PCDHGB5: variants seen among roughly 807,000 people sequenced by gnomAD.
PCDHGB5 encodes protocadherin gamma-B5.
PCDHGB5 carries 48 observed loss-of-function variants against 62.9 expected under a neutral mutation model. That is an observed-to-expected ratio of 0.76 (90% CI 0.61 to 0.97). The LOEUF is 0.97. Ranked by LOEUF, PCDHGB5 falls within the 50% of genes least tolerant of loss-of-function variation. The pLI, the probability that PCDHGB5 is intolerant of heterozygous loss-of-function variation, is 0.00. For missense variants in PCDHGB5, 1,118 were observed against 1,198.6 expected (o/e 0.93, Z 0.99); for synonymous variants, 474 against 511.2 (o/e 0.93, Z 0.98).
At chr5:141,404,476 C>G (rs1453332441) in intron 1 of PCDHGB5, 3 of 1,613,362 alleles carry the variant, frequency 1.9e-6, no homozygotes, top group Non-Finnish European at 2.5e-6. Context: ...TCTCTATTAA[C>G]TCAGACACTG....
At chr5:141,414,897 C>G in intron 1 of PCDHGB5, 1 of 1,614,230 alleles carries the variant, frequency 6.2e-7, no homozygotes, top group Non-Finnish European at 8.5e-7. Flanking sequence ...TCCCCACAGA[C>G]GGTTCCACAG....
chr5:141,401,083 C>T (rs2094110284), intron 1 of PCDHGB5, among the ~76,000 whole-genome samples: 1 of 152,176 alleles, frequency 6.6e-6, no homozygotes, highest in Admixed American at 6.5e-5. Context: ...GTGGCTCATG[C>T]CTGTAATCCC....
At chr5:141,407,980 C>G in intron 1 of PCDHGB5, 1 of 760,358 alleles carries the variant, frequency 1.3e-6, no homozygotes, top group Non-Finnish European at 2.0e-6. Flanking sequence ...CGCCGGGGAT[C>G]CGTCAGCCTC....
intron 1 of PCDHGB5, chr5:141,421,617 C>A (rs781622911): frequency 6.2e-7 from 1 of 1,613,768 alleles, no homozygotes; most frequent in South Asian, 1.1e-5. Flanking sequence ...TTAATGATAA[C>A]GCCCCCAGCT....
chr5:141,439,212 T>G (rs1391791892), intron 1 of PCDHGB5, among the ~76,000 whole-genome samples: 1 of 150,642 alleles, frequency 6.6e-6, no homozygotes, highest in Non-Finnish European at 1.5e-5. Context: ...AAAATCCATA[T>G]GTGAAAATTC....
At chr5:141,404,947 T>G (rs561446437) in intron 1 of PCDHGB5, 9 of 1,613,826 alleles carry the variant, frequency 5.6e-6, no homozygotes, top group Non-Finnish European at 7.6e-6. Flanking sequence ...TAGCCATAGC[T>G]GACAGCATCC....
In PCDHGB5 at chr5:141,421,081, A is replaced by C. The variant is rs775366249; in HGVS notation, c.2397+20557A>C. 61 of 637,820 alleles carry C rather than the reference A, an allele frequency of 9.6e-5. 1 individual carries two copies. The Middle Eastern group carries it at 2.9e-3, about 31-fold the overall frequency. The allele number at this position is 637,820 out of a possible 1,614,324, so 39.5% of individuals were successfully genotyped here. ...ACAAAGCGGAATGAGATGGATACTCACAGATCCTGACACTGGAGACTTAGA... is the reference window on the plus strand; with the variant it reads ...ACAAAGCGGAATGAGATGGATACTCCCAGATCCTGACACTGGAGACTTAGA... On this transcript the variant is annotated intron_variant, in intron 1 of 3. Coordinates refer to ENST00000617380, the MANE Select transcript of PCDHGB5 (RefSeq NM_018925.3).
chr5:141,418,785 T>C, intron 1 of PCDHGB5: 1 of 1,613,862 alleles, frequency 6.2e-7, no homozygotes, highest in African/African-American at 1.3e-5. Flanking sequence ...CCTTTGGATT[T>C]TGAAGAAGTA....
rs1049477252 is a variant in PCDHGB5 at position 141,399,427 on chromosome 5, G to A, written c.1300G>A (p.Val434Ile). 1.2e-6 allele frequency: 2 copies of A among 1,613,842 alleles called. No homozygotes were observed. Among genetic ancestry groups the A allele is most frequent in the African/African-American group, 2.7e-5 (2 of 74,928 alleles). Residue 434 changes from valine (V) to isoleucine (I), a missense_variant, in exon 1 of 4, where the codon GTC (valine) becomes ATC (isoleucine). By Grantham distance (29) the Val-to-Ile change is conservative. This residue lies in a region of PCDHGB5 where 1,034 missense variants were observed against 1,029.1 expected (regional missense o/e 1.00). Coordinates refer to ENST00000617380, the MANE Select transcript of PCDHGB5 (RefSeq NM_018925.3). ...GCCGCCCCTCTCCTCCAGCATAAGC[G>A]TCATCCTACATATCAGAGACGTCAA... ...GKPPLSSSIS[V>I]ILHIRDVNDN...
chr5:141,453,609 G>A (rs1208329212), intron 1 of PCDHGB5, among the ~76,000 whole-genome samples: 3 of 151,900 alleles, frequency 2.0e-5, no homozygotes, highest in South Asian at 4.2e-4. Context: ...TTTGCAAAAC[G>A]CAAAAACAAA....
Position 141,399,777 on chromosome 5 carries a change from C to T in PCDHGB5, c.1650C>T (p.Asp550=), listed in dbSNP as rs751610227. The change falls in exon 1 of 4, where the codon GAC becomes GAT. Residue 550 remains aspartate, a synonymous_variant. Transcript: ENST00000617380. ...TGAGCCTGCGCGTGTTGGTGGGCGA[C>T]CGAAACGACAACGCACCGCGGGTGC... The part of the protein sequence containing the change: ...ANVSLRVLVG[D]RNDNAPRVLY... The T allele has an allele frequency of 3.7e-6, 6 of 1,613,304 alleles. No homozygotes were observed. The Admixed American group carries it at 8.3e-5, about 22-fold the overall frequency.
chr5:141,431,731 T>G lies in PCDHGB5; in HGVS notation c.2397+31207T>G. 6.2e-7 allele frequency: 1 copy of G among 1,614,210 alleles called. No homozygotes were observed. The highest frequency in any genetic ancestry group is 8.5e-7 in the Non-Finnish European group (1 of 1,180,034). Reference sequence around the variant, plus strand: ...AGATGGAAGTGCAAGCAATGGATAATGCAGGATATTCTGCGCGAGCCAAAG... The same window carrying G: ...AGATGGAAGTGCAAGCAATGGATAAGGCAGGATATTCTGCGCGAGCCAAAG... On this transcript the variant is annotated intron_variant, in intron 1 of 3. Coordinates refer to ENST00000617380, the MANE Select transcript of PCDHGB5 (RefSeq NM_018925.3). The surrounding 1 kb of genome is among the most constrained non-coding windows in gnomAD (Gnocchi z 4.8).
At chr5:141,414,231 C>T (rs2095722548) in intron 1 of PCDHGB5, 1 of 1,613,304 alleles carries the variant, frequency 6.2e-7, no homozygotes, top group South Asian at 1.1e-5. Flanking sequence ...CAGAGCTGAC[C>T]ATCACGTCTC....
Position 141,410,397 on chromosome 5 carries a change from G to T in PCDHGB5, c.2397+9873G>T, listed in dbSNP as rs1338071222. Reference sequence around the variant, plus strand: ...TGGGACTGCTTCCATCCTGGTCTCTGTGTCAAGTCTGGACCTGTAGTTCCC... The same window carrying T: ...TGGGACTGCTTCCATCCTGGTCTCTTTGTCAAGTCTGGACCTGTAGTTCCC... On this transcript the variant is annotated intron_variant, in intron 1 of 3. Coordinates refer to ENST00000617380, the MANE Select transcript of PCDHGB5 (RefSeq NM_018925.3). The T allele has an allele frequency of 3.7e-6, 6 of 1,613,930 alleles. No homozygotes were observed. The African/African-American group carries it at 8.0e-5, about 22-fold the overall frequency.
Position 141,477,598 on chromosome 5 carries a change from C to A in PCDHGB5, c.2398-17209C>A. The A allele has an allele frequency of 6.2e-7, 1 of 1,614,180 alleles. No homozygotes were observed. The highest frequency in any genetic ancestry group is 8.5e-7 in the Non-Finnish European group (1 of 1,180,030). ...CCCCGCAGAATGCTCGGCTTTCTTT[C>A]TTTCTCTTGGAGCAAGGAGCTGAAA... On this transcript the variant is annotated intron_variant, in intron 1 of 3. Transcript: ENST00000617380. This position sits in a 1 kb window ranked among gnomAD's most constrained non-coding sequence, Gnocchi z 4.9.
rs750014647 is a variant in PCDHGB5, at chr5:141,426,649, T to C, written c.2397+26125T>C. 53 of 418,716 alleles carry C rather than the reference T, an allele frequency of 1.3e-4. 1 individual carries two copies. Among genetic ancestry groups the C allele is most frequent in the South Asian group, 6.9e-4 (42 of 60,762 alleles). The allele number at this position is 418,716 out of a possible 1,614,324, so 25.9% of individuals were successfully genotyped here. On this transcript the variant is annotated intron_variant, in intron 1 of 3. Coordinates refer to ENST00000617380, the MANE Select transcript of PCDHGB5 (RefSeq NM_018925.3). Reference sequence around the variant, plus strand: ...AATGTTTTTCACATAAATGTGATGATAGAAGATATAAATGATAACCCACCT... The same window carrying C: ...AATGTTTTTCACATAAATGTGATGACAGAAGATATAAATGATAACCCACCT...
Position 141,505,424 on chromosome 5 carries a change from C to T in PCDHGB5, c.2488C>T (p.Pro830Ser), listed in dbSNP as rs1422538114. The T allele has an allele frequency of 1.2e-6, 2 of 1,614,200 alleles. No individual in the cohort carries two copies. Among genetic ancestry groups the T allele is most frequent in the Non-Finnish European group, 1.7e-6 (2 of 1,180,028 alleles). Residue 830 changes from proline (P) to serine (S), a missense_variant, in exon 3 of 4, where the codon CCC (proline) becomes TCC (serine). Pro to Ser is a moderately conservative substitution (Grantham distance 74). Transcript: ENST00000617380. ...AAATGGCGATGACACCGGCACCTGG[C>T]CCAACAACCAGTTTGACACAGAGAT... is the stretch of plus-strand genomic sequence containing the variant. ...SQNGDDTGTW[P>S]NNQFDTEMLQ...
chr5:141,452,710 G>GAAGT (rs1343622540), intron 1 of PCDHGB5, among the ~76,000 whole-genome samples: 1 of 151,996 alleles, frequency 6.6e-6, no homozygotes, highest in Non-Finnish European at 1.5e-5. Flanking sequence ...AGAAAGGAAG[G>GAAGT]AATGAGGGAG....
chr5:141,420,918 C>T (rs2096532512), intron 1 of PCDHGB5: 1 of 331,946 alleles, frequency 3.0e-6, no homozygotes, highest in South Asian at 6.4e-5. Flanking sequence ...GTGTGATTCA[C>T]AAAGGTGAGC....
Sources: gnomAD v4.1 joint callset for allele counts (sites outside exome capture counted in the v4.1 genomes callset) on GRCh38, gnomAD v4.1.1 for gene constraint, gnomAD v4.1.1 regional missense constraint, Gnocchi (gnomAD v3.1) non-coding constraint, MANE v1.5 for transcripts, NCBI Gene and HGNC (gene_info 2026-07-23, HGNC 2026-07-21) for gene names.